Variants in USP40 observed in about 807,000 individuals in gnomAD.
USP40 encodes ubiquitin carboxyl-terminal hydrolase 40.
Under a neutral mutation model 166.2 loss-of-function variants are expected in USP40, and 143 were observed. That is an observed-to-expected ratio of 0.86 (90% confidence interval 0.75 to 0.99). USP40 has a LOEUF of 0.99. USP40 is among the 50% of genes least tolerant of loss of function. USP40 has a pLI of 0.00. For missense variants in USP40, 1,444 were observed against 1,479.7 expected, an observed-to-expected ratio of 0.98 and a Z score of 0.40; for synonymous variants, 498 against 524.0, an observed-to-expected ratio of 0.95 and a Z score of 0.68.
intron 21 of USP40, among the ~76,000 whole-genome samples, chr2:233,508,613 C>T (rs1308949762): frequency 6.6e-6 from 1 of 151,996 alleles, no homozygotes; most frequent in Non-Finnish European, 1.5e-5. Flanking sequence ...CTTTGAGGAT[C>T]CTTGCCTAGG....
chr2:233,511,828 T>C, intron 19 of USP40, 31 bp from the exon 20 acceptor site: 1 of 1,505,434 alleles, frequency 6.6e-7, no homozygotes, highest in Non-Finnish European at 9.1e-7. Context: ...ATGATGAAGG[T>C]TATTAATTCC....
Position 233,536,633 on chromosome 2 carries a change from A to G in USP40, c.1171-2854T>C, listed in dbSNP as rs145831346. 4.2e-3 allele frequency among the ~76,000 whole-genome samples: 641 copies of G among 152,200 alleles called. 4 individuals are homozygous for G. The highest frequency in any genetic ancestry group is 0.015 in the African/African-American group (606 of 41,456). On this transcript the variant is annotated intron_variant, in intron 10 of 31. Transcript: ENST00000678225. ...GCCACTTCACTTCAGCCTGGGCAAC[A>G]GAGTGAGATCCTGTCTCAAACAAAA...
intron 26 of USP40, among the ~76,000 whole-genome samples, chr2:233,490,697 A>G (rs372202248): frequency 9.2e-5 from 14 of 152,178 alleles, no homozygotes; most frequent in South Asian, 4.1e-4. Context: ...ACGTTAATGC[A>G]TAAGAAACAA....
At chr2:233,526,326 T>C (rs2068030162) in intron 13 of USP40, among the ~76,000 whole-genome samples, 1 of 152,178 alleles carries the variant, frequency 6.6e-6, no homozygotes, top group Non-Finnish European at 1.5e-5. Flanking sequence ...ACAAAGTGAA[T>C]AAGATCCTTT....
chr2:233,546,054 G>T (rs2069893886), intron 8 of USP40: 1 of 152,158 alleles, frequency 6.6e-6, no homozygotes, highest in African/African-American at 2.4e-5. Flanking sequence ...AACATACCAA[G>T]CACAATATTC....
chr2:233,557,497 A>G (rs1559286011), intron 4 of USP40, among the ~76,000 whole-genome samples: 12 of 152,244 alleles, frequency 7.9e-5, no homozygotes, highest in Admixed American at 7.8e-4. Context: ...TGTTACTGAG[A>G]AAAAAATCCT....
intron 3 of USP40, among the ~76,000 whole-genome samples, 176 bp downstream of exon 3, chr2:233,562,560 T>C (rs199825559): frequency 9.1e-6 from 1 of 109,450 alleles, no homozygotes; most frequent in African/African-American, 3.5e-5. Flanking sequence ...CTCTGGGGAC[T>C]GTTGTGGGTT....
Position 233,556,875 on chromosome 2 carries a change from T to TA in USP40, c.525dup (p.Lys176Ter), listed in dbSNP as rs749915745. 1.2e-6 allele frequency: 2 copies of TA among 1,611,632 alleles called. No individual in the cohort carries two copies. Among genetic ancestry groups the TA allele is most frequent in the Non-Finnish European group, 1.7e-6 (2 of 1,179,310 alleles). On this transcript the variant is annotated frameshift_variant, in exon 5 of 32. Coordinates refer to ENST00000678225, the MANE Select transcript of USP40 (RefSeq NM_001365479.2). LOFTEE classifies it high-confidence loss of function. Reference sequence around the variant, plus strand: ...TTTACCTGCCTCTCGCTAACGTTCTTACATTCTTTACAAACAATCTGGTTA... The same window carrying TA: ...TTTACCTGCCTCTCGCTAACGTTCTTAACATTCTTTACAAACAATCTGGTTA...
chr2:233,488,818 A>T (rs975648400), intron 27 of USP40, among the ~76,000 whole-genome samples: 1 of 152,096 alleles, frequency 6.6e-6, no homozygotes, highest in Non-Finnish European at 1.5e-5. Flanking sequence ...AGGTGGGAGG[A>T]TCACTTGAGC....
At position 233,480,267 on chromosome 2, in the gene USP40, A is replaced by G. The variant is rs1017864003; in HGVS notation, c.3599+936T>C. Reference sequence around the variant, plus strand: ...GAGCGGGGCCAGATCAGGCTCCTACAGTCATTTGGGCAGGGAAAGATGAAA... The same window carrying G: ...GAGCGGGGCCAGATCAGGCTCCTACGGTCATTTGGGCAGGGAAAGATGAAA... On this transcript the variant is annotated intron_variant, in intron 31 of 31. Transcript: ENST00000678225. The surrounding 1 kb of genome is among the most constrained non-coding windows in gnomAD (Gnocchi z 4.5). 6.6e-6 allele frequency among the ~76,000 whole-genome samples: 1 copy of G among 152,090 alleles called. No homozygotes were observed. Among genetic ancestry groups the G allele is most frequent in the Non-Finnish European group, 1.5e-5 (1 of 67,980 alleles).
rs150881606 is a variant in USP40 at position 233,477,228 on chromosome 2, G to T, written c.*164C>A. 0.025 allele frequency: 17,315 copies of T among 686,436 alleles called. 331 individuals are homozygous for T. Among genetic ancestry groups the T allele is most frequent in the Middle Eastern group, 0.055 (140 of 2,526 alleles). The allele number at this position is 686,436 out of a possible 1,614,324, so 42.5% of individuals were successfully genotyped here. A position where few individuals can be genotyped will look rare whatever the true frequency, so the allele number is the denominator to read the frequency against. On this transcript the variant is annotated 3_prime_UTR_variant, in exon 32 of 32. Transcript: ENST00000678225. ...GCTGCCACGTGTTGCAGAGCTAAGT[G>T]ACTACATGCACTGGCCAGGCCTCAG...
At chr2:233,558,620 A>T (rs75667073) in intron 4 of USP40, among the ~76,000 whole-genome samples, 2,142 of 152,286 alleles carry the variant, frequency 0.014, 59 homozygotes, top group African/African-American at 0.049. Context: ...GGGGATGGAA[A>T]GTTACTGCTA....
intron 30 of USP40, among the ~76,000 whole-genome samples, chr2:233,484,356 T>G (rs2064812544): frequency 6.6e-6 from 1 of 152,246 alleles, no homozygotes; most frequent in Non-Finnish European, 1.5e-5. Context: ...ACAGAAGCTT[T>G]CTTTAACACT....
intron 11 of USP40, among the ~76,000 whole-genome samples, chr2:233,531,843 G>T (rs2068550114): frequency 6.6e-6 from 1 of 152,126 alleles, no homozygotes; most frequent in African/African-American, 2.4e-5. Flanking sequence ...CTTTTGAGCG[G>T]ACTTTGAGAA....
At chr2:233,507,787 G>A (rs2066530311) in intron 21 of USP40, among the ~76,000 whole-genome samples, 1 of 152,070 alleles carries the variant, frequency 6.6e-6, no homozygotes, top group Admixed American at 6.5e-5. Context: ...GTAGGGTGAT[G>A]ATAGTTAACA....
At chr2:233,562,459 G>A (rs572878202) in intron 3 of USP40, among the ~76,000 whole-genome samples, 136 of 133,112 alleles carry the variant, frequency 1.0e-3, no homozygotes, top group South Asian at 4.4e-3. Flanking sequence ...GTAAACTATC[G>A]CAAGAACAAA....
chr2:233,546,345 G>GA (rs2125333225), intron 8 of USP40: 1 of 152,364 alleles, frequency 6.6e-6, no homozygotes, highest in African/African-American at 2.4e-5. Context: ...ACCAGAGTGT[G>GA]AAACTGCCTT....
chr2:233,497,235 A>G (rs2065802528), intron 23 of USP40, among the ~76,000 whole-genome samples: 2 of 152,218 alleles, frequency 1.3e-5, no homozygotes, highest in African/African-American at 4.8e-5. Flanking sequence ...GTAAAGCGCT[A>G]AAGCCACACT....
intron 31 of USP40, among the ~76,000 whole-genome samples, chr2:233,478,735 C>T (rs2064343233): frequency 6.6e-6 from 1 of 152,186 alleles, no homozygotes; most frequent in African/African-American, 2.4e-5. Flanking sequence ...CATCAGGACA[C>T]CACGCTCCCA....
Sources: gnomAD v4.1 joint callset for allele counts (sites outside exome capture counted in the v4.1 genomes callset) on GRCh38, gnomAD v4.1.1 for gene constraint, Gnocchi (gnomAD v3.1) non-coding constraint, MANE v1.5 for transcripts, NCBI Gene and HGNC (gene_info 2026-07-23, HGNC 2026-07-21) for gene names.